FBXO31: variants seen among roughly 807,000 people sequenced by gnomAD.
FBXO31 encodes F-box protein 31, also known as F-box only protein 31.
Under a neutral mutation model 54.4 loss-of-function variants are expected in FBXO31, and 24 were observed. That is an observed-to-expected ratio of 0.44 (90% confidence interval 0.32 to 0.62). The LOEUF is 0.62. Among genes scored for constraint, FBXO31 ranks in the 20% least tolerant of loss-of-function variants. The pLI is 0.05. For missense variants in FBXO31, 665 were observed against 787.1 expected (o/e 0.84, Z 1.86); for synonymous variants, 388 against 335.6 (o/e 1.16, Z -1.71).
chr16:87,351,461 C>T (rs186351407), intron 2 of FBXO31, among the ~76,000 whole-genome samples: 1 of 152,294 alleles, frequency 6.6e-6, no homozygotes, highest in Non-Finnish European at 1.5e-5. Flanking sequence ...CCCCACAAGG[C>T]TCCTGAGTGT....
At chr16:87,339,485 G>A (rs563314962) in intron 5 of FBXO31, among the ~76,000 whole-genome samples, 137 of 152,340 alleles carry the variant, frequency 9.0e-4, no homozygotes, top group African/African-American at 3.1e-3. Flanking sequence ...ACAGGAGGGC[G>A]CAGCCAGTGC....
upstream of FBXO31, among the ~76,000 whole-genome samples, chr16:87,386,915 G>T (rs1274242492): frequency 1.3e-5 from 2 of 152,200 alleles, no homozygotes; most frequent in Non-Finnish European, 2.9e-5. Flanking sequence ...AAAAGCACAG[G>T]ATTAGAGGGA....
upstream of FBXO31, chr16:87,390,028 C>T (rs539454099): frequency 6.6e-6 from 1 of 152,256 alleles, no homozygotes; most frequent in Non-Finnish European, 1.5e-5. Context: ...TGCCTGTAAT[C>T]CCAGCACTTT....
chr16:87,364,575 G>A (rs1183103932), intron 1 of FBXO31, among the ~76,000 whole-genome samples: 1 of 152,120 alleles, frequency 6.6e-6, no homozygotes, highest in East Asian at 1.9e-4. Flanking sequence ...GCCTGGGCGG[G>A]GGCATCCAAC....
intron 2 of FBXO31, among the ~76,000 whole-genome samples, chr16:87,359,910 G>A (rs1906061174): frequency 6.6e-6 from 1 of 152,188 alleles, no homozygotes; most frequent in South Asian, 2.1e-4. Flanking sequence ...CCGTACCTGG[G>A]GCTTGGACAG....
chr16:87,389,211 T>C (rs1181497089), intron 1 of FBXO31, among the ~76,000 whole-genome samples: 1 of 152,204 alleles, frequency 6.6e-6, no homozygotes, highest in Non-Finnish European at 1.5e-5. Flanking sequence ...GAATGAAACC[T>C]ATGAGCCATC....
rs758757341 is a variant in FBXO31, at chr16:87,335,649, C to T, written c.843-192G>A. ...CCCTCACCCCCACCACCCACCAGCA[C>T]GCACGCTTCCAACAGGACTTCTGGG... On this transcript the variant is annotated intron_variant, in intron 6 of 8. Coordinates refer to ENST00000311635, the MANE Select transcript of FBXO31 (RefSeq NM_024735.5). This position sits in a 1 kb window ranked among gnomAD's most constrained non-coding sequence, Gnocchi z 5.7. 3.3e-5 allele frequency among the ~76,000 whole-genome samples: 5 copies of T among 152,142 alleles called. No homozygotes were observed. Among genetic ancestry groups the T allele is most frequent in the South Asian group, 2.1e-4 (1 of 4,834 alleles).
chr16:87,380,755 T>G (rs1907042622), intron 1 of FBXO31, among the ~76,000 whole-genome samples: 1 of 152,240 alleles, frequency 6.6e-6, no homozygotes, highest in African/African-American at 2.4e-5. Flanking sequence ...CCAGGACAGC[T>G]GCGCTGAGAA....
intron 2 of FBXO31, among the ~76,000 whole-genome samples, chr16:87,356,191 T>G (rs1300776889): frequency 6.9e-6 from 1 of 145,620 alleles, no homozygotes; most frequent in Non-Finnish European, 1.5e-5. Context: ...ATCACACCAC[T>G]GCACTCCAGC....
rs902110154 is a variant in FBXO31, at chr16:87,331,360, G to A, written c.1548C>T (p.Phe516=). ...GTGGGGACGGCGCATCTGCGTTCCG[G>A]AAGGTGGCCTGGACCCGGCTGTACA... The part of the protein sequence containing the change: ...FSLYSRVQAT[F]RNADAPSPQA... Residue 516 remains phenylalanine, a synonymous_variant, in exon 9 of 9, where the codon TTC becomes TTT. Transcript: ENST00000311635. 2.5e-6 allele frequency: 4 copies of A among 1,614,014 alleles called. No homozygotes were observed. The highest frequency in any genetic ancestry group is 3.4e-6 in the Non-Finnish European group (4 of 1,180,022).
At chr16:87,347,644 C>T (rs1905449939) in intron 2 of FBXO31, among the ~76,000 whole-genome samples, 1 of 146,426 alleles carries the variant, frequency 6.8e-6, no homozygotes. Context: ...CACACAACTG[C>T]ACTCCAGCCC....
chr16:87,351,242 G>C (rs1291307552), intron 2 of FBXO31, among the ~76,000 whole-genome samples: 2 of 152,184 alleles, frequency 1.3e-5, no homozygotes, highest in African/African-American at 2.4e-5. Context: ...GATTTCAATA[G>C]GAATTAAGCT....
chr16:87,383,298 C>T lies in FBXO31; in HGVS notation c.340+107G>A. On this transcript the variant is annotated intron_variant, in intron 1 of 8. Transcript: ENST00000311635. The surrounding 1 kb of genome is among the most constrained non-coding windows in gnomAD (Gnocchi z 4.9). ...CCACATCGCCGGGCCCCGCGCCCAA[C>T]TGGTGGCCCCCGGCCGGGGCCACCG... 1.8e-6 allele frequency: 2 copies of T among 1,098,150 alleles called. No individual in the cohort carries two copies. Among genetic ancestry groups the T allele is most frequent in the Admixed American group, 3.4e-5 (1 of 29,414 alleles). The allele number at this position is 1,098,150 out of a possible 1,614,324, so 68.0% of individuals were successfully genotyped here.
Position 87,346,254 on chromosome 16 carries a change from G to T in FBXO31, c.489+920C>A, listed in dbSNP as rs1249513610. Among the ~76,000 whole-genome samples the T allele has an allele frequency of 6.6e-6, 1 of 152,006 alleles. No homozygotes were observed. Among genetic ancestry groups the T allele is most frequent in the Admixed American group, 6.5e-5 (1 of 15,274 alleles). Reference sequence around the variant, plus strand: ...TGCCCTGACTCCACTTTGCCCGCAGGCCGGGGCCAGGGCCTCTTGAGGAGA... The same window carrying T: ...TGCCCTGACTCCACTTTGCCCGCAGTCCGGGGCCAGGGCCTCTTGAGGAGA... On this transcript the variant is annotated intron_variant, in intron 3 of 8. Transcript: ENST00000311635. The surrounding 1 kb of genome is among the most constrained non-coding windows in gnomAD (Gnocchi z 4.2).
rs1904732691 is a variant in FBXO31, at chr16:87,328,636, T to C, written c.*2652A>G. ...CGGCACAGAAAAGCCTCCAATGACC[T>C]CTCTGAAATCTTCAATCACATCATT... On this transcript the variant is annotated 3_prime_UTR_variant, in exon 9 of 9. Transcript: ENST00000311635. The C allele has an allele frequency of 6.6e-6, 1 of 152,180 alleles. No homozygotes were observed. Among genetic ancestry groups the C allele is most frequent in the Non-Finnish European group, 1.5e-5 (1 of 68,036 alleles). 9.4% of individuals were successfully genotyped at this position (152,180 alleles called of 1,614,324 possible).
At chr16:87,391,369 G>A (rs543058021), upstream of FBXO31, among the ~76,000 whole-genome samples, 2 of 152,198 alleles carry the variant, frequency 1.3e-5, no homozygotes, top group Non-Finnish European at 2.9e-5. Flanking sequence ...GGCTGAGGTG[G>A]GCAATAGCAA....
chr16:87,350,893 C>G (rs1182085910), intron 2 of FBXO31, among the ~76,000 whole-genome samples: 2 of 152,236 alleles, frequency 1.3e-5, no homozygotes, highest in African/African-American at 4.8e-5. Flanking sequence ...AAAAACCCAG[C>G]AGCCTGCGAG....
At chr16:87,383,957 T>TGAGGGCGCCGCCCGTGACGGGCATGAGA (rs1907220835), upstream of FBXO31, 1 of 259,614 alleles carries the variant, frequency 3.9e-6, no homozygotes, top group Non-Finnish European at 7.1e-6. This position sits in a 1 kb window ranked among gnomAD's most constrained non-coding sequence, Gnocchi z 4.9. Context: ...CCCTCCAGCG[T>TGAGGGCGCCGCCCGTGACGGGCATGAGA]GAGGGCGCCG....
chr16:87,350,490 G>A (rs1167020551), intron 2 of FBXO31, among the ~76,000 whole-genome samples: 4 of 152,116 alleles, frequency 2.6e-5, no homozygotes, highest in Admixed American at 2.6e-4. Context: ...CACCTAGACG[G>A]GTGTGTGATC....
Sources: allele counts gnomAD v4.1 joint callset (sites outside exome capture counted in the v4.1 genomes callset), GRCh38; gene constraint gnomAD v4.1.1; non-coding constraint Gnocchi (gnomAD v3.1); transcripts MANE v1.5; gene names NCBI Gene and HGNC (gene_info 2026-07-23, HGNC 2026-07-21).